Variants in ZC3HAV1L observed in about 807,000 individuals in gnomAD.
ZC3HAV1L encodes zinc finger CCCH-type antiviral protein 1-like.
Under a neutral mutation model 28.2 loss-of-function variants are expected in ZC3HAV1L, and 23 were observed. The ratio of observed to expected loss-of-function variants is 0.82; its 90% confidence interval spans 0.59 to 1.16. The LOEUF (loss-of-function observed/expected upper bound fraction) is 1.16, where lower values mean the gene tolerates loss of function less well. ZC3HAV1L is among the 50% of genes most tolerant of loss of function. The pLI, the probability that ZC3HAV1L is intolerant of heterozygous loss-of-function variation, is 0.00. For synonymous variants in ZC3HAV1L, 180 were observed against 163.4 expected, an observed-to-expected ratio of 1.10 and a Z score of -0.78; for missense variants, 376 against 387.7, an observed-to-expected ratio of 0.97 and a Z score of 0.25.
At chr7:139,032,982 G>A (rs961487848) in intron 2 of ZC3HAV1L, among the ~76,000 whole-genome samples, 1 of 152,250 alleles carries the variant, frequency 6.6e-6, no homozygotes, top group East Asian at 1.9e-4. Context: ...CTGAGGCAGA[G>A]GGATCACTTG....
At chr7:139,023,202 A>C (rs1815283510), downstream of ZC3HAV1L, among the ~76,000 whole-genome samples, 1 of 150,818 alleles carries the variant, frequency 6.6e-6, no homozygotes, top group Admixed American at 6.6e-5. Context: ...AAAAAAAAAA[A>C]CAGGGAATAT....
At chr7:139,026,623 A>G in intron 4 of ZC3HAV1L, 63 bp from the exon 5 acceptor site, 1 of 1,613,096 alleles carries the variant, frequency 6.2e-7, no homozygotes, top group South Asian at 1.1e-5. Flanking sequence ...ATGGTTACAA[A>G]TTAAAGCTAA....
At chr7:139,034,219 C>A (rs1308629902) in intron 2 of ZC3HAV1L, 1 of 976,006 alleles carries the variant, frequency 1.0e-6, no homozygotes, top group East Asian at 1.1e-4. Flanking sequence ...TCCCATCCCT[C>A]TTCTGGCCAA....
chr7:139,035,048 G>A, intron 1 of ZC3HAV1L: 1 of 985,432 alleles, frequency 1.0e-6, no homozygotes, highest in African/African-American at 1.7e-5. Flanking sequence ...CGGGGTGTGT[G>A]GCTAGAGACA....
chr7:139,022,536 C>A, downstream of ZC3HAV1L: 1 of 200,600 alleles, frequency 5.0e-6, no homozygotes, highest in South Asian at 6.7e-5. Flanking sequence ...CAGAGTGAGA[C>A]CCTGTCTCAA....
At position 139,026,826 on chromosome 7, in the gene ZC3HAV1L, TG is replaced by T. The variant is rs1563113437; in HGVS notation, c.767del (p.Ser256TyrfsTer72). On this transcript the variant is annotated frameshift_variant, in exon 4 of 5. Transcript: ENST00000275766. LOFTEE classifies it high-confidence loss of function. ...CTTGTGAATGCTCAGTCGAAGGTGA[TG>T]AATTATCTACAAAGAGGAAAGGGAT... is the stretch of plus-strand genomic sequence containing the variant. ...LHKMLENTDN[S>X]SPSTEHSQGL... 6.2e-7 allele frequency: 1 copy of T among 1,611,174 alleles called. No individual in the cohort carries two copies. Among genetic ancestry groups the T allele is most frequent in the Non-Finnish European group, 8.5e-7 (1 of 1,178,498 alleles).
chr7:139,030,527 T>TC (rs1240332572), intron 2 of ZC3HAV1L, among the ~76,000 whole-genome samples: 1 of 151,226 alleles, frequency 6.6e-6, no homozygotes, highest in Non-Finnish European at 1.5e-5. Context: ...AGAGCGAGAC[T>TC]CCATTTCAAA....
intron 2 of ZC3HAV1L, among the ~76,000 whole-genome samples, chr7:139,030,173 C>A (rs148214014): frequency 6.6e-6 from 1 of 152,126 alleles, no homozygotes; most frequent in Non-Finnish European, 1.5e-5. Flanking sequence ...TGGCTGGGCG[C>A]GGTGCCTCAC....
intron 3 of ZC3HAV1L, among the ~76,000 whole-genome samples, chr7:139,028,486 A>C (rs1032776418): frequency 6.6e-6 from 1 of 152,174 alleles, no homozygotes; most frequent in Non-Finnish European, 1.5e-5. Context: ...GACAGTGCTA[A>C]AGATAAACTC....
At chr7:139,035,079 G>GTGAA in intron 1 of ZC3HAV1L, 1 of 985,472 alleles carries the variant, frequency 1.0e-6, no homozygotes, top group African/African-American at 1.7e-5. Context: ...ATTCGGGGCT[G>GTGAA]TGAAGCACAG....
In ZC3HAV1L at chr7:139,026,008, AC is replaced by A. The variant is rs1275090104; in HGVS notation, c.*535del. The A allele has an allele frequency of 2.6e-5, 4 of 152,008 alleles. No individual in the cohort carries two copies. Among genetic ancestry groups the A allele is most frequent in the Non-Finnish European group, 5.9e-5 (4 of 68,250 alleles). The allele number at this position is 152,008 out of a possible 1,614,324, so 9.4% of individuals were successfully genotyped here. On this transcript the variant is annotated 3_prime_UTR_variant, in exon 5 of 5. Transcript: ENST00000275766. The stretch of plus-strand genomic sequence containing the variant: ...AAAAAATTAGCTGGTCGTGGTGCAT[AC>A]CTGTAGTCCCAGCTACTCAGGAGGC...
intron 1 of ZC3HAV1L, 86 bp downstream of exon 1, chr7:139,035,567 C>G (rs1034365281): frequency 1.5e-6 from 2 of 1,339,390 alleles, no homozygotes; most frequent in Non-Finnish European, 9.5e-7. Flanking sequence ...CAGGACGAAG[C>G]CCCCCTTCCC....
chr7:139,029,114 T>C (rs776865987), intron 2 of ZC3HAV1L, among the ~76,000 whole-genome samples, 154 bp from the exon 3 acceptor site: 10 of 152,122 alleles, frequency 6.6e-5, no homozygotes, highest in Non-Finnish European at 1.5e-4. Flanking sequence ...GCAATTCTCC[T>C]GCCTCAGCCT....
chr7:139,033,216 A>G (rs556674752), intron 2 of ZC3HAV1L, among the ~76,000 whole-genome samples: 3 of 151,058 alleles, frequency 2.0e-5, no homozygotes, highest in East Asian at 3.9e-4. Flanking sequence ...AAAAAACTAT[A>G]TAAGTCTGAT....
chr7:139,028,643 A>G, intron 3 of ZC3HAV1L, 59 bp downstream of exon 3: 3 of 1,567,770 alleles, frequency 1.9e-6, no homozygotes, highest in South Asian at 1.2e-5. Context: ...ACTTCTTCAC[A>G]GTGAAGCATC....
In ZC3HAV1L at chr7:139,026,262, G is replaced by GA. The variant is rs369793399; in HGVS notation, c.*281dup. On this transcript the variant is annotated 3_prime_UTR_variant, in exon 5 of 5. Transcript: ENST00000275766. ...AGATGCTTATGAGACAATATTAAGT[G>GA]AAAAAAAAAAATGAGTGCAAAGTAC... The GA allele has an allele frequency of 0.026, 9,343 of 364,776 alleles. 6 individuals carry two copies. Among genetic ancestry groups the GA allele is most frequent in the East Asian group, 0.058 (1,269 of 21,946 alleles). 22.6% of individuals were successfully genotyped at this position (364,776 alleles called of 1,614,324 possible). A position where few individuals can be genotyped will look rare whatever the true frequency, so the allele number is the denominator to read the frequency against.
chr7:139,026,444 T>C lies in ZC3HAV1L; in HGVS notation c.*100A>G. ...CTGGACTAGCCCCATCTGCACTCAA[T>C]TTTAGCCTCTCTTTGCCTGTTCAAT... On this transcript the variant is annotated 3_prime_UTR_variant, in exon 5 of 5. Coordinates refer to ENST00000275766, the MANE Select transcript of ZC3HAV1L (RefSeq NM_080660.4). 1 of 1,550,544 alleles carries C rather than the reference T, an allele frequency of 6.4e-7. No homozygotes were observed. The highest frequency in any genetic ancestry group is 2.3e-5 in the East Asian group (1 of 43,666).
chr7:139,035,338 T>G, intron 1 of ZC3HAV1L: 1 of 985,224 alleles, frequency 1.0e-6, no homozygotes, highest in Non-Finnish European at 1.2e-6. Context: ...ATCACCAGAA[T>G]AAGTGAGCTC....
At chr7:139,023,535 T>C (rs1398826707), downstream of ZC3HAV1L, among the ~76,000 whole-genome samples, 1 of 152,170 alleles carries the variant, frequency 6.6e-6, no homozygotes, top group Non-Finnish European at 1.5e-5. Context: ...TGCAGGCGTT[T>C]TGAGTTTACA....
Sources: allele counts gnomAD v4.1 joint callset (sites outside exome capture counted in the v4.1 genomes callset), GRCh38; gene constraint gnomAD v4.1.1; transcripts MANE v1.5; gene names NCBI Gene and HGNC (gene_info 2026-07-23, HGNC 2026-07-21).